Variants in USH2A observed in about 807,000 individuals in gnomAD.
USH2A encodes usherin.
In USH2A, 443 loss-of-function variants were observed where a neutral mutation model predicts 538.9. That is an observed-to-expected ratio of 0.82 (90% CI 0.76 to 0.89). The LOEUF is 0.89. Ranked by LOEUF, USH2A falls within the 40% of genes least tolerant of loss-of-function variation. The pLI is 0.00. For synonymous variants in USH2A, 2,413 were observed against 2,273.5 expected, an observed-to-expected ratio of 1.06 and a Z score of -1.75; for missense variants, 6,633 against 6,324.8, an observed-to-expected ratio of 1.05 and a Z score of -1.65.
At chr1:216,175,550 T>A in intron 20 of USH2A, 68 bp from the exon 21 acceptor site, 1 of 1,358,856 alleles carries the variant, frequency 7.4e-7, no homozygotes. Context: ...CATATTCACA[T>A]ATACGTATAT....
intron 64 of USH2A, among the ~76,000 whole-genome samples, chr1:215,667,402 C>A (rs1308095254): frequency 1.3e-5 from 2 of 152,076 alleles, no homozygotes; most frequent in Non-Finnish European, 2.9e-5. Flanking sequence ...TATAAGTATC[C>A]ATTTCTCCAG....
chr1:215,627,417 C>CTTCTTTCCTTCCTTCT (rs1558027267), intron 71 of USH2A, among the ~76,000 whole-genome samples: 1 of 113,836 alleles, frequency 8.8e-6, no homozygotes, highest in African/African-American at 3.4e-5. Context: ...TCCTTCCTTC[C>CTTCTTTCCTTCCTTCT]TTCCTTCCTT....
intron 64 of USH2A, among the ~76,000 whole-genome samples, chr1:215,665,213 C>A (rs1268028771): frequency 6.6e-6 from 1 of 152,084 alleles, no homozygotes; most frequent in African/African-American, 2.4e-5. Context: ...TGTTTGGGGG[C>A]AGTGTTGGTC....
At chr1:215,639,069 G>T in intron 69 of USH2A, 86 bp downstream of exon 69, 1 of 1,235,076 alleles carries the variant, frequency 8.1e-7, no homozygotes, top group Non-Finnish European at 1.2e-6. Flanking sequence ...AATATATTAG[G>T]ACTCCAAGTA....
At chr1:215,886,179 T>C (rs905624280) in intron 41 of USH2A, among the ~76,000 whole-genome samples, 7 of 152,222 alleles carry the variant, frequency 4.6e-5, no homozygotes, top group African/African-American at 1.2e-4. Flanking sequence ...CAACCCTCTA[T>C]GATAAATAGT....
chr1:216,283,728 TA>T (rs564844512), intron 11 of USH2A, among the ~76,000 whole-genome samples: 126 of 152,344 alleles, frequency 8.3e-4, no homozygotes, highest in African/African-American at 2.9e-3. Context: ...TTGCAGACCA[TA>T]AAGACCAATG....
intron 21 of USH2A, among the ~76,000 whole-genome samples, chr1:216,151,211 G>A (rs893606187): frequency 9.2e-5 from 14 of 152,024 alleles, no homozygotes; most frequent in African/African-American, 3.1e-4. Flanking sequence ...GCCGCCCTAG[G>A]TGGATCCCTA....
chr1:216,188,152 G>C (rs962212532), intron 20 of USH2A, among the ~76,000 whole-genome samples: 2 of 150,878 alleles, frequency 1.3e-5, no homozygotes, highest in African/African-American at 4.9e-5. Flanking sequence ...TAACTAAAAT[G>C]AGAGCTGCAC....
chr1:216,345,050 A>G (rs1286199138), intron 4 of USH2A, among the ~76,000 whole-genome samples: 3 of 151,932 alleles, frequency 2.0e-5, no homozygotes, highest in Non-Finnish European at 4.4e-5. Flanking sequence ...AGATCCCTTC[A>G]TGACAGATCC....
At chr1:215,776,887 G>A (rs1429123219) in intron 55 of USH2A, among the ~76,000 whole-genome samples, 1 of 152,090 alleles carries the variant, frequency 6.6e-6, no homozygotes, top group East Asian at 1.9e-4. Context: ...CTAATGCCTA[G>A]CACCATTCCT....
chr1:216,199,827 G>A lies in USH2A; in HGVS notation c.3611C>T (p.Ser1204Leu). Residue 1204 changes from serine to leucine, a missense_variant, in exon 17 of 72, where the codon TCA becomes TTA. By Grantham distance (145) the Ser-to-Leu change is moderately radical (BLOSUM62 -2). Coordinates refer to ENST00000307340, the MANE Select transcript of USH2A (RefSeq NM_206933.4). ...PCVSYEGHETSATIWNLVPFA... is the reference protein window; with the variant it reads ...PCVSYEGHETLATIWNLVPFA... Reference sequence around the variant, plus strand: ...TGGAACCAGATTCCAGATGGTAGCTGAGGTTTCATGACCTTCGTAGGAAAC... The same window carrying A: ...TGGAACCAGATTCCAGATGGTAGCTAAGGTTTCATGACCTTCGTAGGAAAC... 1 of 1,614,134 alleles carries A rather than the reference G, an allele frequency of 6.2e-7. No individual in the cohort carries two copies. Among genetic ancestry groups the A allele is most frequent in the South Asian group, 1.1e-5 (1 of 91,076 alleles).
chr1:215,939,456 C>A (rs757209600), intron 37 of USH2A, among the ~76,000 whole-genome samples: 1 of 152,118 alleles, frequency 6.6e-6, no homozygotes, highest in Middle Eastern at 3.4e-3. Context: ...TATAAAAAAA[C>A]CTTTTCTTTA....
intron 38 of USH2A, among the ~76,000 whole-genome samples, chr1:215,912,843 T>C (rs903359802): frequency 6.6e-6 from 1 of 152,046 alleles, no homozygotes; most frequent in Admixed American, 6.6e-5. Flanking sequence ...TGTCTGTTTT[T>C]CCCTTCTTTG....
chr1:215,674,446 C>G lies in USH2A; in HGVS notation c.13465G>C (p.Gly4489Arg). 2 of 1,614,162 alleles carry G rather than the reference C, an allele frequency of 1.2e-6. No individual in the cohort carries two copies. Among genetic ancestry groups the G allele is most frequent in the Non-Finnish European group, 1.7e-6 (2 of 1,180,014 alleles). The change falls in exon 63 of 72, where the codon GGC becomes CGC. Residue 4489 changes from glycine to arginine, a missense_variant. Physicochemically the swap from Gly to Arg is moderately radical, Grantham distance 125. Coordinates refer to ENST00000307340, the MANE Select transcript of USH2A (RefSeq NM_206933.4). ...LRRDGTIVYT[G>R]LETRYRDFTL... ...AAATCACGATAGCGTGTTTCCAAGC[C>G]TGTATATACAATGGTTCCATCCCTC...
At chr1:216,410,938 A>G (rs2039479158) in intron 3 of USH2A, among the ~76,000 whole-genome samples, 1 of 152,046 alleles carries the variant, frequency 6.6e-6, no homozygotes, top group African/African-American at 2.4e-5. Flanking sequence ...AACCCTTCAC[A>G]CTTGTCTTCA....
chr1:216,254,426 A>G (rs1004699171), intron 11 of USH2A, among the ~76,000 whole-genome samples: 4 of 152,102 alleles, frequency 2.6e-5, no homozygotes, highest in Non-Finnish European at 5.9e-5. Context: ...TTAAAAATAC[A>G]CTAAGACACT....
chr1:216,307,830 C>T lies in USH2A; in HGVS notation c.1644+14053G>A, dbSNP rs34497093. Among the ~76,000 whole-genome samples the T allele has an allele frequency of 7.8e-3, 1,191 of 152,262 alleles. 13 individuals carry two copies. The highest frequency in any genetic ancestry group is 0.012 in the Non-Finnish European group (844 of 68,018). On this transcript the variant is annotated intron_variant, in intron 9 of 71. Transcript: ENST00000307340. ...GTCTCAGCTCCAGGTAAGGCCAAAT[C>T]CATCACCTGTGACCTGGACCTTCAG...
At chr1:215,674,016 T>A in intron 63 of USH2A, 84 bp downstream of exon 63, 8 of 1,611,708 alleles carry the variant, frequency 5.0e-6, no homozygotes, top group Non-Finnish European at 6.8e-6. Flanking sequence ...ATTTTTAGAG[T>A]CTTCATTAGA....
In USH2A at chr1:215,970,898, T is replaced by A. The variant is rs76864568; in HGVS notation, c.6806-122A>T. On this transcript the variant is annotated intron_variant, in intron 35 of 71. Coordinates refer to ENST00000307340, the MANE Select transcript of USH2A (RefSeq NM_206933.4). ...GGAATCATTAAATCACAGACTCTGGTATTTCTCCTTGTCTAAACTCTGTCT... is the reference window on the plus strand; with the variant it reads ...GGAATCATTAAATCACAGACTCTGGAATTTCTCCTTGTCTAAACTCTGTCT... 17 of 993,486 alleles carry A rather than the reference T, an allele frequency of 1.7e-5. No homozygotes were observed. In the East Asian group the frequency reaches 3.8e-4, roughly 22 times the overall value. 61.5% of individuals were successfully genotyped at this position (993,486 alleles called of 1,614,324 possible).
Sources: gnomAD v4.1 joint callset for allele counts (sites outside exome capture counted in the v4.1 genomes callset) on GRCh38, gnomAD v4.1.1 for gene constraint, MANE v1.5 for transcripts, NCBI Gene and HGNC (gene_info 2026-07-23, HGNC 2026-07-21) for gene names.